ARL17B: variants seen among roughly 807,000 people sequenced by gnomAD.
The protein encoded by ARL17B is ADP-ribosylation factor-like protein 17.
intron 4 of ARL17B, among the ~76,000 whole-genome samples, chr17:46,284,206 G>A (rs950852500): frequency 6.6e-6 from 1 of 152,206 alleles, no homozygotes; most frequent in Non-Finnish European, 1.5e-5. Context: ...CCCTTCCCAC[G>A]AGGCCATATT....
intron 4 of ARL17B, among the ~76,000 whole-genome samples, chr17:46,292,131 A>C (rs1475517825): frequency 7.3e-6 from 1 of 136,600 alleles, no homozygotes; most frequent in Non-Finnish European, 1.6e-5. Context: ...CAGGAGTTCA[A>C]GACCAGCTTG....
intron 4 of ARL17B, among the ~76,000 whole-genome samples, chr17:46,287,434 C>T (rs1177148546): frequency 1.1e-4 from 17 of 152,152 alleles, no homozygotes; most frequent in African/African-American, 3.6e-4. Flanking sequence ...CAAAGCAAAG[C>T]GCAAACACCA....
chr17:46,280,194 T>C (rs1177589593), intron 4 of ARL17B, among the ~76,000 whole-genome samples: 3 of 151,912 alleles, frequency 2.0e-5, no homozygotes, highest in African/African-American at 7.3e-5. Context: ...CAAAACCCCA[T>C]CCCTACTAAA....
downstream of ARL17B, chr17:46,330,891 G>A: frequency 4.1e-6 from 3 of 724,598 alleles, no homozygotes; most frequent in Non-Finnish European, 6.2e-6. Context: ...GAAGAAAAAA[G>A]GCTCACGAGT....
exon 5 of ARL17B, chr17:46,275,225 G>T: frequency 2.7e-6 from 1 of 364,684 alleles, no homozygotes; most frequent in Non-Finnish European, 4.7e-6. Flanking sequence ...GGACAAAATT[G>T]GCCAATAATA....
At chr17:46,289,363 G>A (rs2050005372) in intron 4 of ARL17B, among the ~76,000 whole-genome samples, 1 of 152,014 alleles carries the variant, frequency 6.6e-6, no homozygotes, top group South Asian at 2.1e-4. Context: ...TTGTAGAGAT[G>A]GAGTCTTGCT....
At chr17:46,334,821 G>GA (rs1373628332), downstream of ARL17B, 38 of 132,326 alleles carry the variant, frequency 2.9e-4, 1 homozygote, top group African/African-American at 9.2e-4. Flanking sequence ...CACATCTTCA[G>GA]ATTCAACTAG....
Position 46,276,790 on chromosome 17 carries a change from CTTTTTTTT to C in ARL17B, c.*22-1380_*22-1373del, listed in dbSNP as rs75549659. On this transcript the variant is annotated intron_variant, in intron 4 of 4. Coordinates refer to the ARL17B transcript ENST00000570618. Reference sequence around the variant, plus strand: ...TGCATTGTAATTTTTTTCTTTTTTTCTTTTTTTTTTTTTTTTTGATTTGTTTGTTTTGA... The same window carrying C: ...TGCATTGTAATTTTTTTCTTTTTTTCTTTTTTTTTGATTTGTTTGTTTTGA... Among the ~76,000 whole-genome samples, 9 of 134,316 alleles carry C rather than the reference CTTTTTTTT, an allele frequency of 6.7e-5. No homozygotes were observed. In the East Asian group the frequency reaches 1.3e-3, roughly 19 times the overall value. The allele number at this position is 134,316 out of a possible 152,430, so 88.1% of individuals were successfully genotyped here. A position where few individuals can be genotyped will look rare whatever the true frequency, so the allele number is the denominator to read the frequency against.
At chr17:46,284,021 A>G (rs1488043130) in intron 4 of ARL17B, among the ~76,000 whole-genome samples, 1 of 152,246 alleles carries the variant, frequency 6.6e-6, no homozygotes, top group Non-Finnish European at 1.5e-5. Context: ...TCCCTATCTC[A>G]GTAGATGGAA....
chr17:46,283,349 CA>C (rs1216146437), intron 4 of ARL17B, among the ~76,000 whole-genome samples: 2 of 152,214 alleles, frequency 1.3e-5, no homozygotes, highest in Non-Finnish European at 2.9e-5. Context: ...TCTGGTGCAT[CA>C]TTAGGGTCTA....
intron 4 of ARL17B, among the ~76,000 whole-genome samples, chr17:46,285,318 GCAACCTCTGCTTCCTGTGTT>G (rs1476600906): frequency 6.8e-6 from 1 of 147,922 alleles, no homozygotes; most frequent in Non-Finnish European, 1.5e-5. Flanking sequence ...TTGGCTCACT[GCAACCTCTGCTTCCTGTGTT>G]CAAGCGATTC....
At chr17:46,288,813 C>T (rs1248350380) in intron 4 of ARL17B, among the ~76,000 whole-genome samples, 1 of 151,858 alleles carries the variant, frequency 6.6e-6, no homozygotes, top group Admixed American at 6.6e-5. Context: ...AAGTGATCCT[C>T]CCACCTCAGC....
chr17:46,330,710 C>A, downstream of ARL17B: 2 of 401,036 alleles, frequency 5.0e-6, no homozygotes, highest in East Asian at 3.0e-5. Flanking sequence ...CATTAAACTG[C>A]CAACCACAGG....
intron 4 of ARL17B, among the ~76,000 whole-genome samples, chr17:46,287,603 A>G (rs1377350723): frequency 1.3e-5 from 2 of 152,286 alleles, no homozygotes; most frequent in Admixed American, 6.5e-5. Flanking sequence ...AATTAAAAAT[A>G]ATTTCTCATA....
At position 46,280,569 on chromosome 17, in the gene ARL17B, CTTTTT is replaced by C. The variant is rs56981193; in HGVS notation, c.*22-5156_*22-5152del. ...TTGTTTCCTTATTTTTGATAGCACA[CTTTTT>C]TTTTTTTTTTTTTTTCCTGAGCAGA... On this transcript the variant is annotated intron_variant, in intron 4 of 4. Coordinates refer to the ARL17B transcript ENST00000570618. 6.2e-5 allele frequency among the ~76,000 whole-genome samples: 7 copies of C among 112,012 alleles called. No individual in the cohort carries two copies. The South Asian group carries it at 7.7e-4, about 12-fold the overall frequency. 73.5% of individuals were successfully genotyped at this position (112,012 alleles called of 152,430 possible). A position where few individuals can be genotyped will look rare whatever the true frequency, so the allele number is the denominator to read the frequency against.
intron 4 of ARL17B, among the ~76,000 whole-genome samples, chr17:46,283,689 A>G (rs1344699034): frequency 6.6e-6 from 1 of 151,884 alleles, no homozygotes; most frequent in Admixed American, 6.6e-5. Context: ...AAAGAAAAAG[A>G]CACAGAGACA....
chr17:46,285,636 T>C (rs1349672379), intron 4 of ARL17B, among the ~76,000 whole-genome samples: 2 of 152,184 alleles, frequency 1.3e-5, no homozygotes, highest in Non-Finnish European at 2.9e-5. Context: ...AAAAATAAAA[T>C]GTATAAAGAA....
chr17:46,290,939 C>T (rs1284227743), intron 4 of ARL17B, among the ~76,000 whole-genome samples: 1 of 152,180 alleles, frequency 6.6e-6, no homozygotes, highest in Non-Finnish European at 1.5e-5. Context: ...GTAACCCAGC[C>T]CTATGCACCA....
At chr17:46,287,173 G>A (rs958918324) in intron 4 of ARL17B, among the ~76,000 whole-genome samples, 8 of 152,154 alleles carry the variant, frequency 5.3e-5, no homozygotes, top group Admixed American at 3.9e-4. Context: ...CACTCACATG[G>A]GTTTCAACAA....
Sources: allele counts gnomAD v4.1 joint callset (sites outside exome capture counted in the v4.1 genomes callset), GRCh38; gene constraint gnomAD v4.1.1; transcripts MANE v1.5; gene names NCBI Gene and HGNC (gene_info 2026-07-23, HGNC 2026-07-21).